Variants in CTNNA3 observed in about 807,000 individuals in gnomAD.
The protein encoded by CTNNA3 is catenin alpha 3.
In CTNNA3, 76 loss-of-function variants were observed where a neutral mutation model predicts 95.7. The observed-to-expected ratio is 0.79, with a 90% confidence interval of 0.66 to 0.96. CTNNA3 has a LOEUF of 0.96. Ranked by LOEUF, CTNNA3 falls within the 40% of genes least tolerant of loss-of-function variation. The pLI is 0.00. For missense variants in CTNNA3, 1,191 were observed against 1,089.8 expected (o/e 1.09, Z -1.31); for synonymous variants, 431 against 374.4 (o/e 1.15, Z -1.74).
At chr10:66,486,820 C>T in intron 11 of CTNNA3, among the ~76,000 whole-genome samples, 1 of 137,426 alleles carries the variant, frequency 7.3e-6, no homozygotes, top group Admixed American at 7.0e-5. Flanking sequence ...TGAACAAATA[C>T]ACACACACAC....
intron 13 of CTNNA3, among the ~76,000 whole-genome samples, chr10:66,135,519 C>A (rs1354584136): frequency 1.3e-5 from 2 of 152,110 alleles, no homozygotes. Context: ...GTAGAAAAAT[C>A]ACAGCTAAAA....
intron 1 of CTNNA3, among the ~76,000 whole-genome samples, chr10:67,704,178 C>T (rs894602426): frequency 1.1e-4 from 17 of 152,166 alleles, no homozygotes; most frequent in South Asian, 2.1e-4. Flanking sequence ...GAAGAATCAA[C>T]ATCGTGAAAA....
At chr10:67,493,973 G>C (rs941348754) in intron 5 of CTNNA3, among the ~76,000 whole-genome samples, 1 of 152,202 alleles carries the variant, frequency 6.6e-6, no homozygotes, top group Non-Finnish European at 1.5e-5. Flanking sequence ...AAAGTTGACA[G>C]TAAAGGCAAA....
intron 9 of CTNNA3, among the ~76,000 whole-genome samples, chr10:66,700,976 A>C (rs914217408): frequency 1.3e-5 from 2 of 152,120 alleles, no homozygotes. Context: ...ACTATTTTTA[A>C]CAGCTTTATT....
intron 7 of CTNNA3, among the ~76,000 whole-genome samples, chr10:66,864,245 T>C (rs1462613979): frequency 6.6e-6 from 1 of 152,126 alleles, no homozygotes; most frequent in Admixed American, 6.6e-5. Flanking sequence ...AGGAGAGCTC[T>C]GAACAAAGGA....
At chr10:66,944,337 G>A (rs562236409) in intron 7 of CTNNA3, among the ~76,000 whole-genome samples, 5 of 152,244 alleles carry the variant, frequency 3.3e-5, no homozygotes, top group East Asian at 1.9e-4. Context: ...ATCCATTCAA[G>A]TTTGATCATG....
At chr10:66,768,580 T>G (rs953684319) in intron 8 of CTNNA3, among the ~76,000 whole-genome samples, 4 of 152,188 alleles carry the variant, frequency 2.6e-5, no homozygotes, top group African/African-American at 4.8e-5. Flanking sequence ...CATCATGGAC[T>G]TGTTAAATCT....
intron 5 of CTNNA3, among the ~76,000 whole-genome samples, chr10:67,357,645 T>C (rs1203541133): frequency 6.6e-6 from 1 of 152,056 alleles, no homozygotes; most frequent in Non-Finnish European, 1.5e-5. Flanking sequence ...ATAATAAAAA[T>C]ACAACAGTTG....
At chr10:67,258,355 G>A (rs1645474408) in intron 5 of CTNNA3, among the ~76,000 whole-genome samples, 1 of 152,032 alleles carries the variant, frequency 6.6e-6, no homozygotes, top group African/African-American at 2.4e-5. Flanking sequence ...TATTGGTCAG[G>A]CTGGTCTTGA....
At chr10:67,540,620 T>C (rs1019868616) in intron 3 of CTNNA3, among the ~76,000 whole-genome samples, 2 of 152,006 alleles carry the variant, frequency 1.3e-5, no homozygotes, top group African/African-American at 2.4e-5. Context: ...GTATGTTTTA[T>C]ACATGTATGT....
rs146777494 is a variant in CTNNA3 at position 66,766,370 on chromosome 10, G to A, written c.1175C>T (p.Thr392Met). Residue 392 changes from threonine to methionine, a missense_variant, in exon 9 of 18, where the codon ACG (threonine) becomes ATG (methionine). Thr to Met is a moderately conservative substitution (Grantham distance 81, BLOSUM62 -1). Transcript: ENST00000433211. ...IDHVSDSFLD[T>M]TVPLLVLIEA... Reference sequence around the variant, plus strand: ...AATGAGAACCAAAAGAGGGACTGTCGTATCCAGGAAAGAGTCTGACACATG... The same window carrying A: ...AATGAGAACCAAAAGAGGGACTGTCATATCCAGGAAAGAGTCTGACACATG... The A allele has an allele frequency of 3.2e-5, 51 of 1,613,442 alleles. No homozygotes were observed. The East Asian group carries it at 4.5e-4, about 14-fold the overall frequency.
intron 7 of CTNNA3, among the ~76,000 whole-genome samples, chr10:66,816,457 G>T (rs965556788): frequency 9.2e-5 from 14 of 151,990 alleles, no homozygotes; most frequent in African/African-American, 3.4e-4. Flanking sequence ...TACATTCAAA[G>T]ATACCAATAG....
chr10:67,216,811 T>C (rs1407261615), intron 6 of CTNNA3, among the ~76,000 whole-genome samples: 1 of 152,222 alleles, frequency 6.6e-6, no homozygotes, highest in Admixed American at 6.5e-5. Flanking sequence ...CTTAATGGAC[T>C]TGGAATTTTC....
At chr10:65,940,838 A>T (rs2077418798) in intron 17 of CTNNA3, among the ~76,000 whole-genome samples, 1 of 152,210 alleles carries the variant, frequency 6.6e-6, no homozygotes. Flanking sequence ...ATGCTTTCTC[A>T]GCCTGTTCAT....
chr10:66,511,724 ATACATGG>A (rs1840668812), intron 11 of CTNNA3, among the ~76,000 whole-genome samples: 1 of 151,948 alleles, frequency 6.6e-6, no homozygotes, highest in Non-Finnish European at 1.5e-5. Flanking sequence ...AAACCTGAGA[ATACATGG>A]TATAATTGCA....
rs1842052459 is a variant in CTNNA3, at chr10:67,573,750, C to G, written c.292+33107G>C. Among the ~76,000 whole-genome samples, 3 of 151,686 alleles carry G rather than the reference C, an allele frequency of 2.0e-5. No homozygotes were observed. The South Asian group carries it at 6.2e-4, about 32-fold the overall frequency. ...CCTCCCTCCTTCCCTCTCTCCTTCC[C>G]TCCCTCTATCCTTCCCTTCCCTCAA... On this transcript the variant is annotated intron_variant, in intron 3 of 17. Transcript: ENST00000433211.
chr10:66,521,119 C>T (rs887585513), intron 10 of CTNNA3, among the ~76,000 whole-genome samples: 1 of 151,144 alleles, frequency 6.6e-6, no homozygotes, highest in African/African-American at 2.4e-5. Context: ...ATAGGAAAAA[C>T]AGTAAAATGT....
intron 6 of CTNNA3, among the ~76,000 whole-genome samples, chr10:67,184,770 C>T (rs556236120): frequency 2.0e-5 from 3 of 152,242 alleles, no homozygotes; most frequent in Admixed American, 2.0e-4. Context: ...ATGATTTTAC[C>T]ATTCTTTTGC....
intron 7 of CTNNA3, among the ~76,000 whole-genome samples, chr10:67,019,359 C>T (rs565048877): frequency 3.3e-5 from 5 of 152,176 alleles, no homozygotes; most frequent in Admixed American, 1.3e-4. Context: ...GCTGGGATTA[C>T]AGGCATGTGC....
Sources: gnomAD v4.1 joint callset for allele counts (sites outside exome capture counted in the v4.1 genomes callset) on GRCh38, gnomAD v4.1.1 for gene constraint, MANE v1.5 for transcripts, NCBI Gene and HGNC (gene_info 2026-07-23, HGNC 2026-07-21) for gene names.